Variants in SNTG1 observed in about 807,000 individuals in gnomAD.
The protein encoded by SNTG1 is syntrophin gamma 1.
In SNTG1, 39 loss-of-function variants were observed where a neutral mutation model predicts 74.7. The observed-to-expected ratio is 0.52, with a 90% CI of 0.40 to 0.68. The LOEUF (loss-of-function observed/expected upper bound fraction) is 0.68, where lower values mean the gene tolerates loss of function less well. Among genes scored for constraint, SNTG1 ranks in the 30% least tolerant of loss-of-function variants. SNTG1 has a pLI of 0.00. For synonymous variants in SNTG1, 254 were observed against 217.1 expected, an observed-to-expected ratio of 1.17 and a Z score of -1.49; for missense variants, 685 against 609.5, an observed-to-expected ratio of 1.12 and a Z score of -1.30.
intron 1 of SNTG1, among the ~76,000 whole-genome samples, chr8:50,149,370 T>G (rs993242599): frequency 1.3e-5 from 2 of 152,222 alleles, no homozygotes; most frequent in African/African-American, 2.4e-5. Context: ...CAGTTTCTTT[T>G]GCTGTGCAGA....
intron 2 of SNTG1, among the ~76,000 whole-genome samples, chr8:50,233,893 A>G (rs1242048801): frequency 6.6e-6 from 1 of 151,874 alleles, no homozygotes; most frequent in African/African-American, 2.4e-5. Flanking sequence ...GTTACTGATA[A>G]CTCCAAATGC....
intron 1 of SNTG1, among the ~76,000 whole-genome samples, chr8:50,014,448 T>G (rs530259134): frequency 3.9e-5 from 4 of 103,502 alleles, no homozygotes; most frequent in East Asian, 1.1e-3. Context: ...AATTCTAAGA[T>G]CTACACAATG....
intron 2 of SNTG1, among the ~76,000 whole-genome samples, chr8:50,248,487 A>T (rs2086499072): frequency 6.6e-6 from 1 of 152,136 alleles, no homozygotes; most frequent in Non-Finnish European, 1.5e-5. Flanking sequence ...CATCTTCATA[A>T]ATCTCTCTGC....
At chr8:50,648,667 T>C (rs1161713835) in intron 13 of SNTG1, among the ~76,000 whole-genome samples, 1 of 152,116 alleles carries the variant, frequency 6.6e-6, no homozygotes, top group Admixed American at 6.5e-5. Context: ...TTGTATGACA[T>C]TTTAAAAACA....
chr8:50,511,700 G>T (rs1047798404), intron 9 of SNTG1, among the ~76,000 whole-genome samples: 1 of 152,016 alleles, frequency 6.6e-6, no homozygotes, highest in African/African-American at 2.4e-5. Context: ...CATCTTTGTT[G>T]GTTTAAAGTC....
At chr8:50,262,628 C>T (rs2087251593) in intron 2 of SNTG1, among the ~76,000 whole-genome samples, 1 of 152,102 alleles carries the variant, frequency 6.6e-6, no homozygotes, top group African/African-American at 2.4e-5. Context: ...CCAGGATGGT[C>T]TCGATCTCCT....
intron 4 of SNTG1, among the ~76,000 whole-genome samples, chr8:50,424,404 C>A (rs1005795451): frequency 7.2e-5 from 11 of 152,172 alleles, no homozygotes; most frequent in Admixed American, 5.9e-4. Flanking sequence ...GTGTACCAAT[C>A]AAAAATCTAG....
At chr8:50,414,771 G>C (rs1383473437) in intron 4 of SNTG1, among the ~76,000 whole-genome samples, 1 of 152,004 alleles carries the variant, frequency 6.6e-6, no homozygotes, top group Non-Finnish European at 1.5e-5. Flanking sequence ...GGGTGTGTTT[G>C]TGGAAAAGCT....
At position 50,487,089 on chromosome 8, in the gene SNTG1, G is replaced by T. The variant is rs191121708; in HGVS notation, c.364-15689G>T. Among the ~76,000 whole-genome samples, 224 of 152,130 alleles carry T rather than the reference G, an allele frequency of 1.5e-3. 1 individual carries two copies. Among genetic ancestry groups the T allele is most frequent in the African/African-American group, 5.2e-3 (216 of 41,526 alleles). On this transcript the variant is annotated intron_variant, in intron 8 of 18. Transcript: ENST00000642720. ...GCAGCCAAAAAACACATGAAAAAATGCTCATCATCACTGGCCATCAGAGAA... is the reference window on the plus strand; with the variant it reads ...GCAGCCAAAAAACACATGAAAAAATTCTCATCATCACTGGCCATCAGAGAA...
At chr8:50,467,874 A>ATGGTTTAAT (rs2093621775) in intron 8 of SNTG1, among the ~76,000 whole-genome samples, 4 of 151,888 alleles carry the variant, frequency 2.6e-5, no homozygotes, top group Non-Finnish European at 5.9e-5. Flanking sequence ...AATTCTCTTC[A>ATGGTTTAAT]GACTTCTTAA....
At chr8:49,971,223 A>G (rs1563412765) in intron 1 of SNTG1, among the ~76,000 whole-genome samples, 1 of 152,212 alleles carries the variant, frequency 6.6e-6, no homozygotes. Context: ...ACATATGCCA[A>G]TCAATAAACA....
At chr8:50,136,792 T>C (rs1275351797) in intron 1 of SNTG1, among the ~76,000 whole-genome samples, 1 of 152,168 alleles carries the variant, frequency 6.6e-6, no homozygotes, top group Non-Finnish European at 1.5e-5. Context: ...ACAGGCCTAT[T>C]AGCCCCATGG....
intron 2 of SNTG1, among the ~76,000 whole-genome samples, chr8:50,377,444 A>G (rs2092407965): frequency 6.6e-6 from 1 of 152,026 alleles, no homozygotes; most frequent in Admixed American, 6.6e-5. Flanking sequence ...AAAACGTTTT[A>G]TGTTTCTTAA....
intron 2 of SNTG1, among the ~76,000 whole-genome samples, chr8:50,257,507 G>C (rs1310087254): frequency 6.6e-6 from 1 of 152,164 alleles, no homozygotes; most frequent in African/African-American, 2.4e-5. Flanking sequence ...TAATTTCGAA[G>C]GGTGTTTCAG....
At chr8:50,026,691 TTGTGTGTACGTGTGTG>T (rs1817290887) in intron 1 of SNTG1, among the ~76,000 whole-genome samples, 1 of 151,904 alleles carries the variant, frequency 6.6e-6, no homozygotes, top group Non-Finnish European at 1.5e-5. Context: ...TTTATGGCAT[TTGTGTGTACGTGTGTG>T]TGTGTGTGTG....
intron 4 of SNTG1, among the ~76,000 whole-genome samples, chr8:50,435,252 A>ATT (rs775243756): frequency 1.1e-4 from 17 of 152,280 alleles, no homozygotes; most frequent in South Asian, 1.0e-3. Flanking sequence ...AAATAAAGGC[A>ATT]TTATATATAT....
chr8:50,517,133 C>T (rs2094140084), intron 9 of SNTG1, among the ~76,000 whole-genome samples: 2 of 152,122 alleles, frequency 1.3e-5, no homozygotes, highest in Admixed American at 1.3e-4. Context: ...AGAGTGGGGG[C>T]TAATATTCAA....
At chr8:50,518,006 C>G (rs2094148264) in intron 9 of SNTG1, among the ~76,000 whole-genome samples, 1 of 152,166 alleles carries the variant, frequency 6.6e-6, no homozygotes, top group Non-Finnish European at 1.5e-5. Flanking sequence ...AATATACATT[C>G]TTCTTAGCAC....
chr8:50,071,231 C>T (rs184040870), intron 1 of SNTG1, among the ~76,000 whole-genome samples: 6 of 152,244 alleles, frequency 3.9e-5, no homozygotes, highest in African/African-American at 1.4e-4. Context: ...CAGAGTCTTG[C>T]TCTGTCACCC....
Sources: gnomAD v4.1 joint callset for allele counts (sites outside exome capture counted in the v4.1 genomes callset) on GRCh38, gnomAD v4.1.1 for gene constraint, MANE v1.5 for transcripts, NCBI Gene and HGNC (gene_info 2026-07-23, HGNC 2026-07-21) for gene names.